The following PCDHGA3 variants were observed in gnomAD, a reference collection of about 807,000 sequenced individuals.
The protein encoded by PCDHGA3 is protocadherin gamma-A3.
In PCDHGA3, 40 loss-of-function variants were observed where a neutral mutation model predicts 58.5. That is an observed-to-expected ratio of 0.68 (90% CI 0.53 to 0.89). PCDHGA3 has a LOEUF of 0.89. PCDHGA3 is among the 40% of genes least tolerant of loss of function. The probability of loss-of-function intolerance (pLI) is 0.00; values close to 1 mark genes in which losing one functional copy is unlikely to be tolerated. For missense variants in PCDHGA3, 1,223 were observed against 1,195.9 expected (o/e 1.02, Z -0.33); for synonymous variants, 530 against 525.7 (o/e 1.01, Z -0.11).
chr5:141,362,014 C>A lies in PCDHGA3; in HGVS notation c.2424+15557C>A, dbSNP rs748394772. On this transcript the variant is annotated intron_variant, in intron 1 of 3. Transcript: ENST00000253812. ...CCTGGGGTTGCGCACGGGTGAGGTG[C>A]GCACAGCGCGTGCCTTGGGCGACAG... 16 of 1,606,054 alleles carry A rather than the reference C, an allele frequency of 1.0e-5. No individual in the cohort carries two copies. The highest frequency in any genetic ancestry group is 3.4e-5 in the Admixed American group (2 of 59,616).
intron 1 of PCDHGA3, among the ~76,000 whole-genome samples, chr5:141,369,675 G>A: frequency 6.6e-6 from 1 of 152,152 alleles, no homozygotes; most frequent in East Asian, 1.9e-4. Context: ...AGAAGAAAGT[G>A]AAACATAGAA....
intron 1 of PCDHGA3, chr5:141,420,380 C>T (rs1343046478): frequency 7.7e-7 from 1 of 1,306,574 alleles, no homozygotes; most frequent in Non-Finnish European, 1.0e-6. Flanking sequence ...TCATAGAGTT[C>T]GCAAAATATA....
At chr5:141,412,934 G>A (rs1232539262) in intron 1 of PCDHGA3, 1 of 453,932 alleles carries the variant, frequency 2.2e-6, no homozygotes, top group African/African-American at 2.0e-5. Context: ...TAACTTCTTA[G>A]GACTCTGAGC....
chr5:141,378,535 T>C (rs1235721694), intron 1 of PCDHGA3: 1 of 152,092 alleles, frequency 6.6e-6, no homozygotes, highest in Non-Finnish European at 1.5e-5. Context: ...AAAATAATAA[T>C]GATAATTAAT....
rs2099388776 is a variant in PCDHGA3, at chr5:141,476,308, C to T, written c.2425-18499C>T. On this transcript the variant is annotated intron_variant, in intron 1 of 3. Coordinates refer to ENST00000253812, the MANE Select transcript of PCDHGA3 (RefSeq NM_018916.4). The surrounding 1 kb of genome is among the most constrained non-coding windows in gnomAD (Gnocchi z 7.6). ...TGGATCTCGGTAGCCTCTCAGCCCG[C>T]AGGTTCCGGGTGGTGTCTGGAGCTA... The T allele has an allele frequency of 1.2e-6, 2 of 1,613,750 alleles. No individual in the cohort carries two copies. The highest frequency in any genetic ancestry group is 2.7e-5 in the African/African-American group (2 of 74,806).
intron 1 of PCDHGA3, chr5:141,384,866 C>T: frequency 6.2e-7 from 1 of 1,613,720 alleles, no homozygotes; most frequent in African/African-American, 1.3e-5. Flanking sequence ...CCTCTGTCAG[C>T]CACCGTCACA....
intron 1 of PCDHGA3, chr5:141,383,656 G>C: frequency 1.2e-6 from 2 of 1,614,008 alleles, no homozygotes; most frequent in South Asian, 1.1e-5. Flanking sequence ...AACTGTCCCC[G>C]AGAATGTGCC....
chr5:141,425,812 G>GA (rs574320012), intron 1 of PCDHGA3, among the ~76,000 whole-genome samples: 9 of 152,054 alleles, frequency 5.9e-5, no homozygotes, highest in South Asian at 4.1e-4. Flanking sequence ...CTTCTGCTTA[G>GA]AAAAAAACAA....
intron 1 of PCDHGA3, among the ~76,000 whole-genome samples, chr5:141,368,453 G>A (rs775342461): frequency 2.2e-4 from 33 of 151,956 alleles, no homozygotes; most frequent in Non-Finnish European, 4.1e-4. Flanking sequence ...CAAACTCACC[G>A]AATAGTGAAT....
At chr5:141,387,911 C>G (rs2091149943) in intron 1 of PCDHGA3, 8 of 1,495,982 alleles carry the variant, frequency 5.3e-6, no homozygotes, top group Non-Finnish European at 7.1e-6. Flanking sequence ...GGGAGCTGGG[C>G]CGGGCTGAGA....
chr5:141,449,147 G>T (rs2098630156), intron 1 of PCDHGA3, among the ~76,000 whole-genome samples: 1 of 152,110 alleles, frequency 6.6e-6, no homozygotes, highest in African/African-American at 2.4e-5. Flanking sequence ...AAATTGCTGG[G>T]TCAAAGAGGA....
intron 2 of PCDHGA3, among the ~76,000 whole-genome samples, chr5:141,500,674 G>T (rs554174451): frequency 4.2e-4 from 64 of 152,122 alleles, no homozygotes; most frequent in Non-Finnish European, 6.6e-4. Flanking sequence ...CTGTCCAACA[G>T]AATTATAGCT....
chr5:141,444,545 C>G (rs1346405150), intron 1 of PCDHGA3, among the ~76,000 whole-genome samples: 1 of 152,042 alleles, frequency 6.6e-6, no homozygotes, highest in Non-Finnish European at 1.5e-5. Context: ...GTCTAGTGAG[C>G]AAAAGGCACT....
intron 1 of PCDHGA3, chr5:141,393,383 A>G: frequency 6.2e-7 from 1 of 1,614,000 alleles, no homozygotes; most frequent in Non-Finnish European, 8.5e-7. Flanking sequence ...ATGGAGCCAT[A>G]AACCCAGAGC....
intron 1 of PCDHGA3, among the ~76,000 whole-genome samples, chr5:141,455,959 G>T (rs112864392): frequency 0.11 from 16,680 of 150,504 alleles, 1,459 homozygotes; most frequent in African/African-American, 0.24. Context: ...GTGCAGTGGC[G>T]CGATCTCAGC....
At chr5:141,371,409 G>T in intron 1 of PCDHGA3, 2 of 1,614,022 alleles carry the variant, frequency 1.2e-6, no homozygotes, top group Non-Finnish European at 1.7e-6. Flanking sequence ...AGATATTTCA[G>T]ATGAAAATGA....
intron 1 of PCDHGA3, chr5:141,389,025 A>C: frequency 6.2e-7 from 1 of 1,613,992 alleles, no homozygotes; most frequent in Non-Finnish European, 8.5e-7. Flanking sequence ...TGGAGAAGTG[A>C]CTTGTAAATT....
chr5:141,400,593 T>C (rs768255831), intron 1 of PCDHGA3: 1 of 1,602,992 alleles, frequency 6.2e-7, no homozygotes, highest in Admixed American at 1.7e-5. Flanking sequence ...GAAACTATCG[T>C]ACATTTTCAA....
intron 1 of PCDHGA3, chr5:141,416,636 C>A (rs2096047139): frequency 6.6e-6 from 1 of 152,066 alleles, no homozygotes; most frequent in South Asian, 2.1e-4. Context: ...AATATAAACA[C>A]CAACCACAGC....
Sources: allele counts gnomAD v4.1 joint callset (sites outside exome capture counted in the v4.1 genomes callset), GRCh38; gene constraint gnomAD v4.1.1; non-coding constraint Gnocchi (gnomAD v3.1); transcripts MANE v1.5; gene names NCBI Gene and HGNC (gene_info 2026-07-23, HGNC 2026-07-21).